GABPA: variants seen among roughly 807,000 people sequenced by gnomAD.
GABPA encodes GA binding protein transcription factor subunit alpha.
In GABPA, 4 loss-of-function variants were observed where a neutral mutation model predicts 59.4. The observed-to-expected ratio is 0.07, with a 90% CI of 0.03 to 0.15. The LOEUF (loss-of-function observed/expected upper bound fraction) is 0.15, where lower values mean the gene tolerates loss of function less well. Ranked by LOEUF, GABPA falls within the 10% of genes least tolerant of loss-of-function variation. GABPA has a pLI of 1.00. For synonymous variants in GABPA, 164 were observed against 183.1 expected (o/e 0.90, Z 0.84); for missense variants, 251 against 543.8 (o/e 0.46, Z 5.36).
intron 6 of GABPA, among the ~76,000 whole-genome samples, chr21:25,759,335 A>G (rs1223333823): frequency 6.6e-6 from 1 of 152,116 alleles, no homozygotes; most frequent in African/African-American, 2.4e-5. Context: ...ATTTTGTTTT[A>G]TTATATACCC....
chr21:25,752,126 A>G lies in GABPA; in HGVS notation c.445A>G (p.Thr149Ala). ...EEAQVITLDGTKHITTISDET... is the reference protein window; with the variant it reads ...EEAQVITLDGAKHITTISDET... ...AGCTCAAGTGATAACTCTTGATGGC[A>G]CAAAACACATCACAACCATTTCAGA... The change falls in exon 5 of 10, where the codon ACA (threonine) becomes GCA (alanine). Residue 149 changes from threonine (T) to alanine (A), a missense_variant. Physicochemically the swap from Thr to Ala is moderately conservative, Grantham distance 58. This residue lies in a region of GABPA where 207 missense variants were observed against 366.7 expected (regional missense o/e 0.56). Coordinates refer to ENST00000400075, the MANE Select transcript of GABPA (RefSeq NM_002040.4). 3 of 1,610,504 alleles carry G rather than the reference A, an allele frequency of 1.9e-6. No individual in the cohort carries two copies. Among genetic ancestry groups the G allele is most frequent in the Non-Finnish European group, 2.5e-6 (3 of 1,176,914 alleles).
At chr21:25,759,800 T>C (rs775109679) in intron 6 of GABPA, among the ~76,000 whole-genome samples, 6 of 152,188 alleles carry the variant, frequency 3.9e-5, no homozygotes, top group Non-Finnish European at 5.9e-5. Context: ...GTGAGTCATG[T>C]TTATTGAAAC....
chr21:25,735,877 C>G (rs985981264), intron 1 of GABPA, among the ~76,000 whole-genome samples: 18 of 152,146 alleles, frequency 1.2e-4, no homozygotes, highest in Non-Finnish European at 2.6e-4. Context: ...TCCCTCCTTT[C>G]CGCGTCCCCT....
chr21:25,768,577 A>T (rs2035946432), intron 9 of GABPA, among the ~76,000 whole-genome samples: 1 of 151,910 alleles, frequency 6.6e-6, no homozygotes, highest in African/African-American at 2.4e-5. Context: ...AGCACTGTTA[A>T]CCTCACTTTA....
chr21:25,740,210 A>C (rs1472520637), intron 1 of GABPA, among the ~76,000 whole-genome samples: 2 of 152,250 alleles, frequency 1.3e-5, no homozygotes, highest in African/African-American at 4.8e-5. Flanking sequence ...GATGGAGCTC[A>C]AAATAAGATT....
intron 6 of GABPA, among the ~76,000 whole-genome samples, chr21:25,759,378 C>G (rs1175942873): frequency 6.6e-6 from 1 of 152,034 alleles, no homozygotes; most frequent in Non-Finnish European, 1.5e-5. Context: ...AGGGATTTTT[C>G]CACCGTAATT....
chr21:25,758,586 C>T (rs1164842773), intron 6 of GABPA, among the ~76,000 whole-genome samples: 1 of 152,196 alleles, frequency 6.6e-6, no homozygotes, highest in Non-Finnish European at 1.5e-5. Flanking sequence ...TCAGCTCTTA[C>T]ATTTACTGCT....
intron 2 of GABPA, 133 bp downstream of exon 2, chr21:25,741,808 T>G (rs972994441): frequency 4.8e-5 from 27 of 563,050 alleles, no homozygotes; most frequent in Non-Finnish European, 8.1e-5. Flanking sequence ...ATGTATTGTT[T>G]TATTTCCTCT....
intron 6 of GABPA, among the ~76,000 whole-genome samples, chr21:25,758,717 A>G (rs1205378065): frequency 1.3e-5 from 2 of 152,120 alleles, no homozygotes; most frequent in African/African-American, 4.8e-5. Flanking sequence ...CTTAAGAGGG[A>G]AGGAAGTGTA....
At position 25,769,331 on chromosome 21, in the gene GABPA, A is replaced by G. The variant is rs2035965807; in HGVS notation, c.*99A>G. On this transcript the variant is annotated 3_prime_UTR_variant, in exon 10 of 10. Transcript: ENST00000400075. ...TGAATTTGAATCTTCTTTTATTTCT[A>G]GGCTGTACAGTCTGATGCATGATTT... 3.2e-6 allele frequency: 2 copies of G among 618,842 alleles called. No homozygotes were observed. Among genetic ancestry groups the G allele is most frequent in the Admixed American group, 5.9e-5 (2 of 34,086 alleles). The allele number at this position is 618,842 out of a possible 1,614,324, so 38.3% of individuals were successfully genotyped here. A position where few individuals can be genotyped will look rare whatever the true frequency, so the allele number is the denominator to read the frequency against.
At chr21:25,740,485 G>A (rs894338455) in intron 1 of GABPA, among the ~76,000 whole-genome samples, 2 of 152,218 alleles carry the variant, frequency 1.3e-5, no homozygotes, top group East Asian at 1.9e-4. Context: ...GACCTACTGC[G>A]AGGTAGTTAA....
chr21:25,738,173 C>T (rs923779919), intron 1 of GABPA, among the ~76,000 whole-genome samples: 2 of 152,284 alleles, frequency 1.3e-5, no homozygotes, highest in East Asian at 1.9e-4. Flanking sequence ...AATCTTATGT[C>T]CCTGCTAACT....
chr21:25,761,493 A>T (rs1209280935), intron 6 of GABPA, among the ~76,000 whole-genome samples: 1 of 152,122 alleles, frequency 6.6e-6, no homozygotes, highest in Non-Finnish European at 1.5e-5. Flanking sequence ...GCGTGTCTGG[A>T]ACTGGATCCT....
intron 3 of GABPA, among the ~76,000 whole-genome samples, chr21:25,747,794 C>G (rs1045793975): frequency 6.6e-6 from 1 of 152,092 alleles, no homozygotes; most frequent in African/African-American, 2.4e-5. Flanking sequence ...TGGATAATAC[C>G]AGTGTCCACC....
intron 2 of GABPA, among the ~76,000 whole-genome samples, chr21:25,744,042 CAA>C (rs1182340915): frequency 1.4e-5 from 1 of 71,868 alleles, no homozygotes; most frequent in Non-Finnish European, 2.7e-5. Flanking sequence ...GACTCTGTCT[CAA>C]AAAAAAAAAA....
chr21:25,748,950 G>A, intron 3 of GABPA, 86 bp from the exon 4 acceptor site: 1 of 786,574 alleles, frequency 1.3e-6, no homozygotes, highest in South Asian at 1.4e-5. Context: ...GTTCTGTTTG[G>A]TACATCCATT....
chr21:25,763,934 TA>T (rs2035825287), intron 7 of GABPA, among the ~76,000 whole-genome samples: 1 of 3,142 alleles, frequency 3.2e-4, no homozygotes, highest in African/African-American at 3.8e-4. Flanking sequence ...CATGTTTAAA[TA>T]CTCTTTGTCT....
chr21:25,736,623 G>A (rs764090574), intron 1 of GABPA, among the ~76,000 whole-genome samples: 4 of 152,164 alleles, frequency 2.6e-5, no homozygotes, highest in Non-Finnish European at 5.9e-5. Flanking sequence ...CTAGATGTTA[G>A]GTTGAAGCAA....
At position 25,764,798 on chromosome 21, in the gene GABPA, A is replaced by G; in HGVS notation, c.1136+11A>G. On this transcript the variant is annotated intron_variant, in intron 9 of 9. Coordinates refer to ENST00000400075, the MANE Select transcript of GABPA (RefSeq NM_002040.4). ...CAGTCGTGCATTAAGGTAAGCCTTT[A>G]TTACTTTTTTTTCTGTTATCAAAAA... is the stretch of plus-strand genomic sequence containing the variant. The G allele has an allele frequency of 6.6e-7, 1 of 1,518,098 alleles. No individual in the cohort carries two copies. The highest frequency in any genetic ancestry group is 1.3e-5 in the South Asian group (1 of 75,646). The allele number at this position is 1,518,098 out of a possible 1,614,324, so 94.0% of individuals were successfully genotyped here.
Sources: gnomAD v4.1 joint callset for allele counts (sites outside exome capture counted in the v4.1 genomes callset) on GRCh38, gnomAD v4.1.1 for gene constraint, gnomAD v4.1.1 regional missense constraint, MANE v1.5 for transcripts, NCBI Gene and HGNC (gene_info 2026-07-23, HGNC 2026-07-21) for gene names.